Variants in PTPRD observed in about 807,000 individuals in gnomAD.
PTPRD encodes the protein receptor-type tyrosine-protein phosphatase delta.
In PTPRD, 34 loss-of-function variants were observed where a neutral mutation model predicts 214.5. That is an observed-to-expected ratio of 0.16 (90% confidence interval 0.12 to 0.21). The LOEUF (loss-of-function observed/expected upper bound fraction) is 0.21, where lower values mean the gene tolerates loss of function less well. PTPRD is among the 10% of genes least tolerant of loss of function. The pLI is 1.00. For missense variants in PTPRD, 2,545 were observed against 2,398.7 expected (o/e 1.06, Z -1.27); for synonymous variants, 1,128 against 845.7 (o/e 1.33, Z -5.79).
chr9:9,797,774 G>A (rs1460602923), intron 5 of PTPRD, among the ~76,000 whole-genome samples: 4 of 152,140 alleles, frequency 2.6e-5, no homozygotes, highest in Non-Finnish European at 5.9e-5. Context: ...CTTGACCCCA[G>A]GCTGTGGAGG....
intron 2 of PTPRD, among the ~76,000 whole-genome samples, chr9:10,559,205 T>C (rs1032360689): frequency 2.6e-5 from 4 of 152,156 alleles, no homozygotes; most frequent in East Asian, 1.9e-4. Context: ...GAAAAACCTA[T>C]CTTAAGGACA....
intron 2 of PTPRD, among the ~76,000 whole-genome samples, chr9:10,475,251 A>G (rs182250279): frequency 2.0e-5 from 3 of 152,262 alleles, no homozygotes; most frequent in Non-Finnish European, 2.9e-5. Context: ...AGACTAATAA[A>G]GAAGAAAAGG....
At chr9:10,351,940 C>T (rs1021912922) in intron 2 of PTPRD, among the ~76,000 whole-genome samples, 2 of 151,872 alleles carry the variant, frequency 1.3e-5, no homozygotes, top group Admixed American at 6.6e-5. Context: ...TAAAAACAGA[C>T]CGAGTTTTGA....
At chr9:9,362,323 CAAAT>C (rs1415723690) in intron 9 of PTPRD, among the ~76,000 whole-genome samples, 1 of 150,932 alleles carries the variant, frequency 6.6e-6, no homozygotes, top group African/African-American at 2.4e-5. Context: ...ATATAAAACA[CAAAT>C]AAGTATTGGG....
intron 5 of PTPRD, among the ~76,000 whole-genome samples, chr9:9,903,747 T>C (rs1175224483): frequency 6.6e-6 from 1 of 152,150 alleles, no homozygotes; most frequent in Non-Finnish European, 1.5e-5. Context: ...CAGGAAATTC[T>C]AAAGTACTTG....
chr9:9,466,308 C>A (rs10816133), intron 8 of PTPRD, among the ~76,000 whole-genome samples: 36 of 151,884 alleles, frequency 2.4e-4, no homozygotes, highest in African/African-American at 8.2e-4. Flanking sequence ...CACCCTGTCT[C>A]TAAATAAGTA....
chr9:9,380,232 A>G (rs1272503043), intron 9 of PTPRD, among the ~76,000 whole-genome samples: 2 of 152,070 alleles, frequency 1.3e-5, no homozygotes, highest in East Asian at 3.9e-4. Context: ...TCTAGACACT[A>G]CTTTCACTGC....
At chr9:9,284,928 G>A (rs904709416) in intron 9 of PTPRD, among the ~76,000 whole-genome samples, 2 of 151,770 alleles carry the variant, frequency 1.3e-5, no homozygotes, top group African/African-American at 2.4e-5. Flanking sequence ...TTAGCTATTT[G>A]CCTATTCTTT....
intron 5 of PTPRD, among the ~76,000 whole-genome samples, chr9:9,798,436 A>G (rs1410725643): frequency 6.6e-6 from 1 of 152,018 alleles, no homozygotes; most frequent in Non-Finnish European, 1.5e-5. Context: ...AATTGGGGGG[A>G]ATTTATCAAG....
At chr9:9,031,661 A>G (rs2099605892) in intron 10 of PTPRD, among the ~76,000 whole-genome samples, 1 of 152,124 alleles carries the variant, frequency 6.6e-6, no homozygotes, top group Non-Finnish European at 1.5e-5. Flanking sequence ...ATATAAATTA[A>G]TGAAAGTGTG....
chr9:8,721,534 T>C (rs991169333), intron 12 of PTPRD, among the ~76,000 whole-genome samples: 7 of 152,154 alleles, frequency 4.6e-5, no homozygotes, highest in African/African-American at 1.7e-4. Context: ...AAATTAATTT[T>C]ATTGATAAAA....
intron 8 of PTPRD, among the ~76,000 whole-genome samples, chr9:9,494,161 T>A (rs961719954): frequency 6.6e-6 from 1 of 152,186 alleles, no homozygotes; most frequent in East Asian, 1.9e-4. Flanking sequence ...GAGGAGTTGC[T>A]TCTTATAAGT....
chr9:10,412,021 A>T lies in PTPRD; in HGVS notation c.-599-71004T>A, dbSNP rs546132321. On this transcript the variant is annotated intron_variant, in intron 2 of 45. Coordinates refer to ENST00000381196, the MANE Select transcript of PTPRD (RefSeq NM_002839.4). Reference sequence around the variant, plus strand: ...TTTAGACCTGCAACTATAAAAATGAATTTCATAACTTTTTTGATGTTTTAA... The same window carrying T: ...TTTAGACCTGCAACTATAAAAATGATTTTCATAACTTTTTTGATGTTTTAA... 2.8e-4 allele frequency among the ~76,000 whole-genome samples: 42 copies of T among 151,906 alleles called. 1 individual carries two copies. Among genetic ancestry groups the T allele is most frequent in the African/African-American group, 1.0e-3 (42 of 41,514 alleles).
intron 9 of PTPRD, among the ~76,000 whole-genome samples, chr9:9,306,563 C>CAA (rs142369340): frequency 9.2e-4 from 73 of 79,110 alleles, no homozygotes; most frequent in African/African-American, 1.7e-3. Context: ...GACTCCGTCT[C>CAA]AAAAAAAAAA....
chr9:10,586,892 G>A (rs1337469666), intron 2 of PTPRD, among the ~76,000 whole-genome samples: 1 of 151,126 alleles, frequency 6.6e-6, no homozygotes, highest in Non-Finnish European at 1.5e-5. Context: ...ACCCCACAAA[G>A]TATTTAATCA....
intron 5 of PTPRD, among the ~76,000 whole-genome samples, chr9:9,864,842 T>C (rs1215929332): frequency 6.6e-6 from 1 of 152,110 alleles, no homozygotes; most frequent in Non-Finnish European, 1.5e-5. Flanking sequence ...TAGTAAAGGG[T>C]GCATTATTCA....
chr9:9,642,683 T>C (rs138493479), intron 7 of PTPRD, among the ~76,000 whole-genome samples: 72 of 152,342 alleles, frequency 4.7e-4, no homozygotes, highest in African/African-American at 1.7e-3. Flanking sequence ...TACTCAGATA[T>C]GTGTTGGTTC....
At chr9:8,683,684 T>G (rs999592279) in intron 12 of PTPRD, among the ~76,000 whole-genome samples, 3 of 152,184 alleles carry the variant, frequency 2.0e-5, no homozygotes, top group African/African-American at 7.2e-5. Flanking sequence ...TCCCTCCATT[T>G]GAATCTGGGC....
intron 2 of PTPRD, among the ~76,000 whole-genome samples, chr9:10,355,712 A>G (rs945817189): frequency 2.0e-5 from 3 of 152,094 alleles, no homozygotes; most frequent in Non-Finnish European, 2.9e-5. Flanking sequence ...TCCCGACCTC[A>G]GGTGATCCGC....
Sources: gnomAD v4.1 joint callset for allele counts (sites outside exome capture counted in the v4.1 genomes callset) on GRCh38, gnomAD v4.1.1 for gene constraint, MANE v1.5 for transcripts, NCBI Gene and HGNC (gene_info 2026-07-23, HGNC 2026-07-21) for gene names.